Variants in NAA20 observed in about 807,000 individuals in gnomAD.
The protein encoded by NAA20 is N-alpha-acetyltransferase 20, NatB catalytic subunit, also known as N-alpha-acetyltransferase 20.
In NAA20, 24 loss-of-function variants were observed where a neutral mutation model predicts 23.8. That is an observed-to-expected ratio of 1.01 (90% CI 0.73 to 1.42). The LOEUF is 1.42. NAA20 is among the 40% of genes most tolerant of loss of function. NAA20 has a pLI of 0.00. For missense variants in NAA20, 166 were observed against 223.1 expected (o/e 0.74, Z 1.63); for synonymous variants, 83 against 77.7 (o/e 1.07, Z -0.36).
At chr20:20,018,985 G>A in intron 1 of NAA20, 3 of 964,668 alleles carry the variant, frequency 3.1e-6, no homozygotes, top group Non-Finnish European at 3.7e-6. Flanking sequence ...TTCCGTTTGC[G>A]ATCCACTGCT....
Position 20,025,658 on chromosome 20 carries a change from C to T in NAA20, c.79-19C>T. ...TTTTTACTGTCCATTACTTTTCACACTCCTTAACAGGACTCTAGTATGGGA... is the reference window on the plus strand; with the variant it reads ...TTTTTACTGTCCATTACTTTTCACATTCCTTAACAGGACTCTAGTATGGGA... On this transcript the variant is annotated intron_variant, in intron 2 of 5. Transcript: ENST00000334982. 6.4e-7 allele frequency: 1 copy of T among 1,570,704 alleles called. No homozygotes were observed. Among genetic ancestry groups the T allele is most frequent in the Non-Finnish European group, 8.8e-7 (1 of 1,141,036 alleles).
intron 1 of NAA20, chr20:20,018,290 T>G: frequency 1.8e-6 from 1 of 568,748 alleles, no homozygotes; most frequent in Non-Finnish European, 3.1e-6. Flanking sequence ...TGTGCTTTTA[T>G]AGACACTTTT....
chr20:20,017,835 C>T (rs980934837), intron 1 of NAA20: 5 of 1,511,342 alleles, frequency 3.3e-6, no homozygotes, highest in African/African-American at 2.7e-5. Flanking sequence ...CTACTGCTTG[C>T]TGGTTCGTGG....
chr20:20,022,499 A>G lies in NAA20; in HGVS notation c.78+19A>G, dbSNP rs1268340016. ...AGAAACTGTATCCTTTTTTACAAAA[A>G]AAAAAAAGTTGAATGAAGATTTACT... On this transcript the variant is annotated intron_variant, in intron 2 of 5. Coordinates refer to ENST00000334982, the MANE Select transcript of NAA20 (RefSeq NM_016100.5). 3 of 1,544,698 alleles carry G rather than the reference A, an allele frequency of 1.9e-6. No individual in the cohort carries two copies. Among genetic ancestry groups the G allele is most frequent in the South Asian group, 1.2e-5 (1 of 83,166 alleles).
At chr20:20,029,389 G>C (rs1445092840) in intron 4 of NAA20, among the ~76,000 whole-genome samples, 1 of 152,098 alleles carries the variant, frequency 6.6e-6, no homozygotes, top group Non-Finnish European at 1.5e-5. Context: ...GGCCGAGACA[G>C]GTGGATCACT....
intron 2 of NAA20, among the ~76,000 whole-genome samples, chr20:20,025,303 A>G (rs2043299494): frequency 1.3e-5 from 2 of 152,214 alleles, no homozygotes; most frequent in South Asian, 4.1e-4. Context: ...GGCACCAGGG[A>G]CAGAGGGAAC....
At chr20:20,022,350 C>A in intron 1 of NAA20, 106 bp from the exon 2 acceptor site, 1 of 1,143,670 alleles carries the variant, frequency 8.7e-7, no homozygotes, top group Non-Finnish European at 1.2e-6. Context: ...GTTGATGAAA[C>A]ATGTTTTGTT....
chr20:20,032,774 C>A, intron 5 of NAA20, 121 bp downstream of exon 5: 2 of 1,261,972 alleles, frequency 1.6e-6, no homozygotes, highest in South Asian at 2.0e-5. Flanking sequence ...TTAAATTTCC[C>A]TCAACCTACC....
intron 1 of NAA20, 132 bp downstream of exon 1, chr20:20,017,581 G>C: frequency 7.4e-7 from 1 of 1,345,318 alleles, no homozygotes; most frequent in South Asian, 1.6e-5. Flanking sequence ...ACCACCCCCC[G>C]CCGGCCAACG....
intron 2 of NAA20, 46 bp from the exon 3 acceptor site, chr20:20,025,631 A>G (rs1448159145): frequency 1.3e-5 from 18 of 1,419,422 alleles, no homozygotes; most frequent in African/African-American, 2.8e-5. Flanking sequence ...TTAATGAAGA[A>G]CTTTTTACTG....
At chr20:20,032,424 A>T in intron 4 of NAA20, 84 bp from the exon 5 acceptor site, 9 of 1,401,270 alleles carry the variant, frequency 6.4e-6, no homozygotes, top group Non-Finnish European at 7.8e-6. Context: ...CAAGGTAAAA[A>T]CACGTTTTAA....
intron 1 of NAA20, among the ~76,000 whole-genome samples, chr20:20,022,234 T>G (rs1045581251): frequency 1.3e-5 from 2 of 152,220 alleles, no homozygotes; most frequent in Non-Finnish European, 2.9e-5. Flanking sequence ...CAAGTAGCAG[T>G]TAAGTGAAAA....
intron 1 of NAA20, among the ~76,000 whole-genome samples, chr20:20,021,029 TTCGGTGG>T (rs2043263596): frequency 7.2e-5 from 1 of 13,968 alleles, no homozygotes; most frequent in African/African-American, 2.9e-4. Context: ...TGTGCGTGGG[TTCGGTGG>T]GCGGGGGGGG....
At chr20:20,017,523 G>A in intron 1 of NAA20, 74 bp downstream of exon 1, 1 of 1,538,218 alleles carries the variant, frequency 6.5e-7, no homozygotes. Flanking sequence ...TCCGGCCCCA[G>A]CCGCGCCTTC....
Position 20,026,767 on chromosome 20 carries a change from T to TTTG in NAA20, c.170-7_170-5dup. ...CAATGTCTAGTTACTGAATGTGATT[T>TTTG]TTGTTGTTGTTGGCAGTTATGGGTA... On this transcript the variant is annotated splice_polypyrimidine_tract_variant and intron_variant, in intron 3 of 5. Coordinates refer to ENST00000334982, the MANE Select transcript of NAA20 (RefSeq NM_016100.5). The TTTG allele has an allele frequency of 6.2e-7, 1 of 1,612,156 alleles. No individual in the cohort carries two copies. Among genetic ancestry groups the TTTG allele is most frequent in the Non-Finnish European group, 8.5e-7 (1 of 1,178,462 alleles).
chr20:20,019,726 A>G (rs926115331), intron 1 of NAA20, among the ~76,000 whole-genome samples: 2 of 152,196 alleles, frequency 1.3e-5, no homozygotes, highest in Non-Finnish European at 2.9e-5. Context: ...TTGGGACTAC[A>G]GGCACGTGCT....
At chr20:20,029,996 C>T (rs1218942036) in intron 4 of NAA20, among the ~76,000 whole-genome samples, 4 of 152,202 alleles carry the variant, frequency 2.6e-5, no homozygotes, top group Non-Finnish European at 4.4e-5. Context: ...GAATTTCAAT[C>T]AGTAGCCCAA....
In NAA20 at chr20:20,033,303, T is replaced by G. The variant is rs2043362092; in HGVS notation, c.*116T>G. On this transcript the variant is annotated 3_prime_UTR_variant, in exon 6 of 6. Coordinates refer to ENST00000334982, the MANE Select transcript of NAA20 (RefSeq NM_016100.5). Reference sequence around the variant, plus strand: ...AGTAATCATTTTAGGTCTTAAAGACTTCAAGAAAATACAGGTTATCAATTT... The same window carrying G: ...AGTAATCATTTTAGGTCTTAAAGACGTCAAGAAAATACAGGTTATCAATTT... 6.7e-6 allele frequency: 5 copies of G among 748,204 alleles called. No homozygotes were observed. Among genetic ancestry groups the G allele is most frequent in the Non-Finnish European group, 1.1e-5 (5 of 459,320 alleles). The allele number at this position is 748,204 out of a possible 1,614,324, so 46.3% of individuals were successfully genotyped here.
chr20:20,022,238 G>A (rs2043273404), intron 1 of NAA20, among the ~76,000 whole-genome samples: 1 of 152,204 alleles, frequency 6.6e-6, no homozygotes, highest in African/African-American at 2.4e-5. Flanking sequence ...TAGCAGTTAA[G>A]TGAAAAAATA....
Sources: allele counts gnomAD v4.1 joint callset (sites outside exome capture counted in the v4.1 genomes callset), GRCh38; gene constraint gnomAD v4.1.1; transcripts MANE v1.5; gene names NCBI Gene and HGNC (gene_info 2026-07-23, HGNC 2026-07-21).